SPATA46: variants seen among roughly 807,000 people sequenced by gnomAD.
SPATA46 encodes the protein spermatogenesis-associated protein 46.
Under a neutral mutation model 6.2 loss-of-function variants are expected in SPATA46, and 3 were observed. The observed-to-expected ratio is 0.48, with a 90% CI of 0.22 to 1.25. The LOEUF (loss-of-function observed/expected upper bound fraction) is 1.25, where lower values mean the gene tolerates loss of function less well. Among genes scored for constraint, SPATA46 ranks in the 50% most tolerant of loss-of-function variants. The pLI is 0.20. For missense variants in SPATA46, 308 were observed against 323.5 expected (o/e 0.95, Z 0.37); for synonymous variants, 117 against 123.3 (o/e 0.95, Z 0.34).
Position 162,374,243 on chromosome 1 carries a change from G to A in SPATA46, c.591C>T (p.Phe197=). The part of the protein sequence containing the change: ...ACCRMYPTLD[F]LKSHIKRGFR... The stretch of plus-strand genomic sequence containing the variant: ...AGCCCCTCTTGATGTGGCTCTTGAG[G>A]AAGTCCAGGGTGGGGTACATGCGGC... Residue 197 remains phenylalanine, a synonymous_variant, in exon 3 of 3, where the codon TTC becomes TTT. Coordinates refer to ENST00000367935, the MANE Select transcript of SPATA46 (RefSeq NM_182581.4). The A allele has an allele frequency of 2.5e-6, 4 of 1,613,856 alleles. No individual in the cohort carries two copies. The highest frequency in any genetic ancestry group is 3.4e-6 in the Non-Finnish European group (4 of 1,179,776).
At chr1:162,376,120 A>G (rs1032244658) in intron 1 of SPATA46, among the ~76,000 whole-genome samples, 4 of 152,138 alleles carry the variant, frequency 2.6e-5, no homozygotes, top group African/African-American at 9.7e-5. Flanking sequence ...AAGCTCCCAG[A>G]CGATGCAGAC....
At position 162,373,905 on chromosome 1, in the gene SPATA46, G is replaced by A; in HGVS notation, c.*143C>T. 1 of 791,660 alleles carries A rather than the reference G, an allele frequency of 1.3e-6. No homozygotes were observed. The highest frequency in any genetic ancestry group is 2.6e-5 in the East Asian group (1 of 38,436). 49.0% of individuals were successfully genotyped at this position (791,660 alleles called of 1,614,324 possible). On this transcript the variant is annotated 3_prime_UTR_variant, in exon 3 of 3. Coordinates refer to ENST00000367935, the MANE Select transcript of SPATA46 (RefSeq NM_182581.4). ...AAGTATTGTCTTTATTTTTAAAAGAGAGAAAGGGGAGGGTGTGTGCCTGGT... is the reference window on the plus strand; with the variant it reads ...AAGTATTGTCTTTATTTTTAAAAGAAAGAAAGGGGAGGGTGTGTGCCTGGT...
At chr1:162,375,826 C>T (rs1240343596) in intron 1 of SPATA46, among the ~76,000 whole-genome samples, 2 of 152,200 alleles carry the variant, frequency 1.3e-5, no homozygotes, top group Non-Finnish European at 2.9e-5. Context: ...CTCATACCCA[C>T]AGTCAGGGTT....
chr1:162,376,627 A>T (rs1401811551), intron 1 of SPATA46, 61 bp downstream of exon 1: 9 of 1,396,692 alleles, frequency 6.4e-6, no homozygotes, highest in African/African-American at 1.4e-5. Context: ...CTGGTAGGGT[A>T]CTCAATTAAA....
chr1:162,375,440 G>T lies in SPATA46; in HGVS notation c.104-37C>A, dbSNP rs772651049. 1.5e-5 allele frequency: 23 copies of T among 1,576,310 alleles called. No individual in the cohort carries two copies. In the African/African-American group the frequency reaches 2.7e-4, roughly 18 times the overall value. On this transcript the variant is annotated intron_variant, in intron 1 of 2. Coordinates refer to ENST00000367935, the MANE Select transcript of SPATA46 (RefSeq NM_182581.4). ...AAGAAACACTGGTGAGCTGAGCAAG[G>T]TTGGGATTCCACTTTCTGGGACTCC... is the stretch of plus-strand genomic sequence containing the variant.
intron 2 of SPATA46, 49 bp from the exon 3 acceptor site, chr1:162,374,665 C>T (rs757153715): frequency 9.8e-6 from 15 of 1,536,306 alleles, no homozygotes; most frequent in Non-Finnish European, 1.1e-5. Context: ...AGCAGTGGAG[C>T]CAAGGATGCT....
chr1:162,376,145 G>A (rs902288351), intron 1 of SPATA46, among the ~76,000 whole-genome samples: 2 of 152,088 alleles, frequency 1.3e-5, no homozygotes, highest in Admixed American at 6.5e-5. Context: ...CAAGTCTAAG[G>A]ACCGTATTTT....
rs773222858 is a variant in SPATA46 at position 162,374,480 on chromosome 1, C to T, written c.354G>A (p.Glu118=). ...ESQLEAYDFP[E]VQQDEGKWDN... ...CCCACTTGCCCTCATCCTGCTGCAC[C>T]TCTGGGAAGTCATAGGCCTCCAGCT... The change falls in exon 3 of 3, where the codon GAG becomes GAA. Residue 118 remains glutamate, a synonymous_variant. Coordinates refer to ENST00000367935, the MANE Select transcript of SPATA46 (RefSeq NM_182581.4). 25 of 1,614,084 alleles carry T rather than the reference C, an allele frequency of 1.5e-5. No homozygotes were observed. The highest frequency in any genetic ancestry group is 1.9e-5 in the Non-Finnish European group (23 of 1,180,042).
chr1:162,374,371 T>A lies in SPATA46; in HGVS notation c.463A>T (p.Lys155Ter), dbSNP rs768821615. The A allele has an allele frequency of 6.2e-7, 1 of 1,614,206 alleles. No individual in the cohort carries two copies. Among genetic ancestry groups the A allele is most frequent in the Admixed American group, 1.7e-5 (1 of 60,026 alleles). The change falls in exon 3 of 3, where the codon AAG becomes TAG. Residue 155 changes from lysine (K) to a stop codon, truncating the protein, a stop_gained. Coordinates refer to ENST00000367935, the MANE Select transcript of SPATA46 (RefSeq NM_182581.4). LOFTEE classifies it low-confidence loss of function (END_TRUNC). ...GAGTCCAGGCCATGCCTGGATTTCT[T>A]GGTGGCTTCTCGAGGGCAAGTGTTC... ...PENTCPREAT[K>*]KSRHGLDSIT...
intron 1 of SPATA46, 170 bp downstream of exon 1, chr1:162,376,518 C>G (rs151301175): frequency 6.0e-4 from 394 of 657,496 alleles, no homozygotes; most frequent in African/African-American, 5.7e-3. Flanking sequence ...AATCAATACA[C>G]AGCAGTAACT....
At position 162,374,602 on chromosome 1, in the gene SPATA46, C is replaced by T. The variant is rs991432455; in HGVS notation, c.232G>A (p.Asp78Asn). ...CTCAGCTTCTCTCCGTGCTGGGTAT[C>T]CCCCAAGCTGCAGTCTGCAAAGGAA... ...TALSPDCSLG[D>N]TQHGEKLRRN... The change falls in exon 3 of 3, where the codon GAT becomes AAT. Residue 78 changes from aspartate (D) to asparagine (N), a missense_variant. Coordinates refer to ENST00000367935, the MANE Select transcript of SPATA46 (RefSeq NM_182581.4). 34 of 1,608,708 alleles carry T rather than the reference C, an allele frequency of 2.1e-5. No individual in the cohort carries two copies. Among genetic ancestry groups the T allele is most frequent in the Non-Finnish European group, 2.7e-5 (32 of 1,176,998 alleles).
At position 162,374,340 on chromosome 1, in the gene SPATA46, G is replaced by GTGA; in HGVS notation, c.491_493dup (p.Ile164dup). ...GGAAGCCATTAGGATGTCCTGGGAT[G>GTGA]TGATGGAGTCCAGGCCATGCCTGGA... On this transcript the variant is annotated inframe_insertion, in exon 3 of 3. Transcript: ENST00000367935. The GTGA allele has an allele frequency of 6.2e-7, 1 of 1,614,194 alleles. No individual in the cohort carries two copies.
At position 162,374,601 on chromosome 1, in the gene SPATA46, T is replaced by A. The variant is rs1647581271; in HGVS notation, c.233A>T (p.Asp78Val). ...CCTCAGCTTCTCTCCGTGCTGGGTA[T>A]CCCCCAAGCTGCAGTCTGCAAAGGA... ...TALSPDCSLG[D>V]TQHGEKLRRN... is the part of the protein sequence containing the mutation. Residue 78 changes from aspartate to valine, a missense_variant, in exon 3 of 3, where the codon GAT becomes GTT. Physicochemically the swap from Asp to Val is radical, Grantham distance 152. Transcript: ENST00000367935. 1.2e-6 allele frequency: 2 copies of A among 1,609,538 alleles called. No homozygotes were observed. Among genetic ancestry groups the A allele is most frequent in the Non-Finnish European group, 1.7e-6 (2 of 1,177,610 alleles).
intron 2 of SPATA46, 76 bp from the exon 3 acceptor site, chr1:162,374,692 A>G (rs1288813387): frequency 3.5e-5 from 51 of 1,457,456 alleles, no homozygotes; most frequent in Non-Finnish European, 4.5e-5. Flanking sequence ...GAAAGGTAAG[A>G]AGGCAAACAT....
At position 162,374,030 on chromosome 1, in the gene SPATA46, A is replaced by G. The variant is rs765448823; in HGVS notation, c.*18T>C. ...TCAGACTGGACAGAAGGCTGTGACT[A>G]ACTTTATTGGCATCTCTCTAGAGAC... is the stretch of plus-strand genomic sequence containing the variant. On this transcript the variant is annotated 3_prime_UTR_variant, in exon 3 of 3. Transcript: ENST00000367935. 1 of 1,570,520 alleles carries G rather than the reference A, an allele frequency of 6.4e-7. No individual in the cohort carries two copies. The highest frequency in any genetic ancestry group is 1.8e-5 in the Admixed American group (1 of 55,896).
At chr1:162,376,624 G>T in intron 1 of SPATA46, 64 bp downstream of exon 1, 1 of 1,412,558 alleles carries the variant, frequency 7.1e-7, no homozygotes, top group Non-Finnish European at 9.9e-7. Context: ...GATCTGGTAG[G>T]GTACTCAATT....
At position 162,374,161 on chromosome 1, in the gene SPATA46, T is replaced by C; in HGVS notation, c.673A>G (p.Lys225Glu). ...TCTCCCAGCCGGGCCTTCTGCTCCT[T>C]GCTCCAGAGGGCTTTGAGCTTGCGG... ...YYRKLKALWS[K>E]EQKARLGDRL... The change falls in exon 3 of 3, where the codon AAG becomes GAG. Residue 225 changes from lysine to glutamate, a missense_variant. Transcript: ENST00000367935. 1 of 1,614,266 alleles carries C rather than the reference T, an allele frequency of 6.2e-7. No individual in the cohort carries two copies. The highest frequency in any genetic ancestry group is 8.5e-7 in the Non-Finnish European group (1 of 1,180,042).
At chr1:162,374,971 G>A (rs920897191) in intron 2 of SPATA46, among the ~76,000 whole-genome samples, 9 of 152,196 alleles carry the variant, frequency 5.9e-5, no homozygotes, top group Admixed American at 2.0e-4. Context: ...CCAAACCGGC[G>A]GCCTCCCACA....
chr1:162,374,039 G>A lies in SPATA46; in HGVS notation c.*9C>T. The A allele has an allele frequency of 6.3e-7, 1 of 1,578,188 alleles. No individual in the cohort carries two copies. Among genetic ancestry groups the A allele is most frequent in the South Asian group, 1.2e-5 (1 of 85,132 alleles). On this transcript the variant is annotated 3_prime_UTR_variant, in exon 3 of 3. Coordinates refer to ENST00000367935, the MANE Select transcript of SPATA46 (RefSeq NM_182581.4). ...ACAGAAGGCTGTGACTAACTTTATT[G>A]GCATCTCTCTAGAGACATAAGTAGG...
Sources: allele counts gnomAD v4.1 joint callset (sites outside exome capture counted in the v4.1 genomes callset), GRCh38; gene constraint gnomAD v4.1.1; transcripts MANE v1.5; gene names NCBI Gene and HGNC (gene_info 2026-07-23, HGNC 2026-07-21).